PTPRR: variants seen among roughly 807,000 people sequenced by gnomAD.
The protein encoded by PTPRR is receptor-type tyrosine-protein phosphatase R.
Under a neutral mutation model 77.2 loss-of-function variants are expected in PTPRR, and 38 were observed. The observed-to-expected ratio is 0.49, with a 90% confidence interval of 0.38 to 0.65. PTPRR has a LOEUF of 0.65. Among genes scored for constraint, PTPRR ranks in the 30% least tolerant of loss-of-function variants. PTPRR has a pLI of 0.00. For synonymous variants in PTPRR, 299 were observed against 283.1 expected (o/e 1.06, Z -0.57); for missense variants, 744 against 799.2 (o/e 0.93, Z 0.83).
chr12:70,716,025 G>A (rs939246037), intron 6 of PTPRR, among the ~76,000 whole-genome samples: 6 of 152,148 alleles, frequency 3.9e-5, no homozygotes, highest in Non-Finnish European at 7.4e-5. Context: ...AATTATAAAA[G>A]TATTAATTTG....
intron 2 of PTPRR, among the ~76,000 whole-genome samples, chr12:70,827,393 TG>T (rs1470973429): frequency 6.6e-6 from 1 of 152,154 alleles, no homozygotes; most frequent in Admixed American, 6.5e-5. Context: ...TTCTGGAAGC[TG>T]GAAGATCTAG....
chr12:70,688,600 A>G (rs1456702070), intron 8 of PTPRR, among the ~76,000 whole-genome samples: 2 of 152,198 alleles, frequency 1.3e-5, no homozygotes, highest in African/African-American at 4.8e-5. Flanking sequence ...GAGAATGTAA[A>G]TTAGCATAGC....
intron 1 of PTPRR, among the ~76,000 whole-genome samples, chr12:70,904,272 C>A (rs1209741597): frequency 6.6e-6 from 1 of 151,718 alleles, no homozygotes; most frequent in African/African-American, 2.4e-5. Flanking sequence ...ATTTTATTAG[C>A]AAGTCTATTC....
At chr12:70,857,666 A>G (rs1018293303) in intron 2 of PTPRR, among the ~76,000 whole-genome samples, 2 of 152,118 alleles carry the variant, frequency 1.3e-5, no homozygotes, top group Non-Finnish European at 2.9e-5. Flanking sequence ...TTTAAAATCT[A>G]TATAGAGTGA....
intron 1 of PTPRR, 78 bp from the exon 2 acceptor site, chr12:70,893,055 TA>T: frequency 3.5e-6 from 5 of 1,447,614 alleles, no homozygotes; most frequent in Non-Finnish European, 4.7e-6. Context: ...TGAAGAGGAT[TA>T]CCCTTTCTTG....
At chr12:70,706,462 A>G (rs1457569300) in intron 6 of PTPRR, among the ~76,000 whole-genome samples, 2 of 152,126 alleles carry the variant, frequency 1.3e-5, no homozygotes, top group Non-Finnish European at 1.5e-5. Context: ...GCATGAACCC[A>G]GGAAGATGAT....
intron 6 of PTPRR, among the ~76,000 whole-genome samples, chr12:70,703,476 T>A (rs1716527133): frequency 6.6e-6 from 1 of 152,218 alleles, no homozygotes; most frequent in Non-Finnish European, 1.5e-5. Context: ...CCTGTGCTTC[T>A]GAGTAGGAGG....
intron 2 of PTPRR, among the ~76,000 whole-genome samples, chr12:70,854,100 C>T (rs1288542874): frequency 1.3e-5 from 2 of 152,124 alleles, no homozygotes; most frequent in Non-Finnish European, 2.9e-5. Context: ...TGCATGCCAG[C>T]AAGGAATAAC....
intron 4 of PTPRR, among the ~76,000 whole-genome samples, chr12:70,760,374 C>T (rs1007928505): frequency 6.6e-6 from 1 of 152,152 alleles, no homozygotes; most frequent in African/African-American, 2.4e-5. Context: ...TCAGCCTCCC[C>T]AGTAGTTAGG....
chr12:70,696,136 A>G (rs1307517858), intron 8 of PTPRR, among the ~76,000 whole-genome samples: 5 of 150,864 alleles, frequency 3.3e-5, no homozygotes, highest in South Asian at 2.1e-4. Context: ...AACTCCAACT[A>G]TATCTGTTTG....
At chr12:70,833,564 G>A (rs537818332) in intron 2 of PTPRR, among the ~76,000 whole-genome samples, 2 of 152,276 alleles carry the variant, frequency 1.3e-5, no homozygotes, top group East Asian at 3.9e-4. Flanking sequence ...AGAGGAGGAT[G>A]ACTTGTGAGA....
rs531861543 is a variant in PTPRR, at chr12:70,681,847, C to T, written c.1497+2280G>A. On this transcript the variant is annotated intron_variant, in intron 10 of 13. Transcript: ENST00000283228. The stretch of plus-strand genomic sequence containing the variant: ...TTCGTTTCTGTAAAGTATCATAGGG[C>T]GTTACCAACCTAGTATTACTTTTTA... 1.1e-4 allele frequency among the ~76,000 whole-genome samples: 16 copies of T among 152,122 alleles called. No homozygotes were observed. The East Asian group carries it at 1.9e-3, about 18-fold the overall frequency.
At chr12:70,675,027 T>C (rs770447670) in intron 10 of PTPRR, among the ~76,000 whole-genome samples, 1 of 152,074 alleles carries the variant, frequency 6.6e-6, no homozygotes, top group Non-Finnish European at 1.5e-5. Flanking sequence ...TTGTTTTGAT[T>C]TGAAATTCAT....
At chr12:70,733,993 C>T (rs1009043413) in intron 6 of PTPRR, among the ~76,000 whole-genome samples, 1 of 152,096 alleles carries the variant, frequency 6.6e-6, no homozygotes, top group Admixed American at 6.5e-5. Flanking sequence ...GACACATTTC[C>T]AAAAACTCCT....
intron 2 of PTPRR, among the ~76,000 whole-genome samples, chr12:70,891,553 T>C (rs781468791): frequency 5.9e-5 from 9 of 152,160 alleles, no homozygotes; most frequent in Non-Finnish European, 1.5e-5. Flanking sequence ...GTTCATCTTG[T>C]GTTCTTAGCT....
intron 6 of PTPRR, among the ~76,000 whole-genome samples, chr12:70,738,530 G>A (rs1306875781): frequency 6.6e-6 from 1 of 152,196 alleles, no homozygotes; most frequent in Non-Finnish European, 1.5e-5. Flanking sequence ...AGGAAATAAT[G>A]TGAACATATC....
chr12:70,888,886 C>G lies in PTPRR; in HGVS notation c.357+3793G>C, dbSNP rs149318605. Among the ~76,000 whole-genome samples the G allele has an allele frequency of 1.8e-3, 275 of 152,228 alleles. 1 individual carries two copies. Among genetic ancestry groups the G allele is most frequent in the African/African-American group, 6.3e-3 (262 of 41,536 alleles). On this transcript the variant is annotated intron_variant, in intron 2 of 13. Transcript: ENST00000283228. ...CTGTAGTTTTTCACAAAATTTGAGA[C>G]TTTTCAGGGTCAAAATATAAAGAAT...
At chr12:70,776,415 C>T (rs1891088903) in intron 2 of PTPRR, among the ~76,000 whole-genome samples, 1 of 152,174 alleles carries the variant, frequency 6.6e-6, no homozygotes, top group Non-Finnish European at 1.5e-5. Flanking sequence ...ATTAATTCCC[C>T]ATATGGACAT....
intron 2 of PTPRR, among the ~76,000 whole-genome samples, chr12:70,799,895 T>C (rs1891582861): frequency 6.6e-6 from 1 of 152,192 alleles, no homozygotes; most frequent in Admixed American, 6.5e-5. Context: ...AGCCAGCCCT[T>C]TTAATTAGCA....
Sources: gnomAD v4.1 joint callset for allele counts (sites outside exome capture counted in the v4.1 genomes callset) on GRCh38, gnomAD v4.1.1 for gene constraint, MANE v1.5 for transcripts, NCBI Gene and HGNC (gene_info 2026-07-23, HGNC 2026-07-21) for gene names.